Variants in LPP observed in about 807,000 individuals in gnomAD.
LPP encodes the protein lipoma-preferred partner.
LPP carries 38 observed loss-of-function variants against 60.4 expected under a neutral mutation model. The ratio of observed to expected loss-of-function variants is 0.63; its 90% CI spans 0.49 to 0.83. The LOEUF (loss-of-function observed/expected upper bound fraction) is 0.83. LPP is among the 40% of genes least tolerant of loss of function. LPP has a pLI of 0.00. For missense variants in LPP, 902 were observed against 783.6 expected (o/e 1.15, Z -1.80); for synonymous variants, 328 against 290.8 (o/e 1.13, Z -1.30).
intron 1 of LPP, among the ~76,000 whole-genome samples, chr3:188,201,797 G>C (rs1276194084): frequency 6.6e-6 from 1 of 152,118 alleles, no homozygotes; most frequent in Non-Finnish European, 1.5e-5. Context: ...GTTGGGGCCA[G>C]GGAAGTTAGA....
chr3:188,259,311 G>A (rs1732767543), intron 2 of LPP, among the ~76,000 whole-genome samples: 5 of 152,102 alleles, frequency 3.3e-5, no homozygotes, highest in Non-Finnish European at 4.4e-5. Flanking sequence ...ATGACATTGA[G>A]TGTTCACCCC....
rs759485675 is a variant in LPP at position 188,883,591 on chromosome 3, G to A, written c.*9112G>A. 26 of 180,596 alleles carry A rather than the reference G, an allele frequency of 1.4e-4. No individual in the cohort carries two copies. Among genetic ancestry groups the A allele is most frequent in the Non-Finnish European group, 2.6e-4 (22 of 84,610 alleles). 11.2% of individuals were successfully genotyped at this position (180,596 alleles called of 1,614,324 possible). On this transcript the variant is annotated 3_prime_UTR_variant, in exon 12 of 12. Transcript: ENST00000617246. ...CTAAAAAAAATACAAAAATTAGCCG[G>A]GCGTGTTGGCGGGCGCCTGTAGTCC...
At chr3:188,676,398 A>G (rs1266876033) in intron 7 of LPP, among the ~76,000 whole-genome samples, 1 of 152,224 alleles carries the variant, frequency 6.6e-6, no homozygotes, top group Non-Finnish European at 1.5e-5. Flanking sequence ...AAGACAGGTC[A>G]TTAGCACTGA....
At chr3:188,272,967 C>G (rs1312702971) in intron 2 of LPP, among the ~76,000 whole-genome samples, 1 of 152,208 alleles carries the variant, frequency 6.6e-6, no homozygotes, top group Non-Finnish European at 1.5e-5. Flanking sequence ...ATGCTACCCT[C>G]TATTTACTAA....
At chr3:188,460,441 G>A (rs1424620326) in intron 4 of LPP, among the ~76,000 whole-genome samples, 2 of 152,180 alleles carry the variant, frequency 1.3e-5, no homozygotes, top group Non-Finnish European at 2.9e-5. Flanking sequence ...GTTGGGACTT[G>A]AAAATCAGGC....
Position 188,880,503 on chromosome 3 carries a change from T to C in LPP, c.*6024T>C. 1 of 189,342 alleles carries C rather than the reference T, an allele frequency of 5.3e-6. No individual in the cohort carries two copies. Among genetic ancestry groups the C allele is most frequent in the Non-Finnish European group, 1.1e-5 (1 of 89,984 alleles). 11.7% of individuals were successfully genotyped at this position (189,342 alleles called of 1,614,324 possible). On this transcript the variant is annotated 3_prime_UTR_variant, in exon 12 of 12. Coordinates refer to ENST00000617246, the MANE Select transcript of LPP (RefSeq NM_001375462.1). ...TAAAAATTAATATTCTACAAACACC[T>C]ACATATACTAGAGAGGGGTGAAACA...
chr3:188,422,380 C>A (rs1436385811), intron 4 of LPP, among the ~76,000 whole-genome samples: 2 of 152,068 alleles, frequency 1.3e-5, no homozygotes, highest in African/African-American at 4.8e-5. Flanking sequence ...TCAGTGGGGG[C>A]CTTTGAGCTT....
At chr3:188,588,243 G>A (rs1324251745) in intron 6 of LPP, among the ~76,000 whole-genome samples, 1 of 152,144 alleles carries the variant, frequency 6.6e-6, no homozygotes, top group Non-Finnish European at 1.5e-5. Context: ...GAAGTAATTT[G>A]CATCAGAGGT....
intron 2 of LPP, among the ~76,000 whole-genome samples, chr3:188,288,828 C>T (rs1744982582): frequency 2.9e-5 from 2 of 69,962 alleles, no homozygotes; most frequent in South Asian, 1.5e-3. Context: ...ACCCCCCACC[C>T]CCACCCCCCC....
chr3:188,639,068 A>T (rs1200477384), intron 7 of LPP, among the ~76,000 whole-genome samples: 1 of 151,264 alleles, frequency 6.6e-6, no homozygotes. Flanking sequence ...GTCAATCCTA[A>T]GCCAAAAGAA....
chr3:188,567,681 T>C (rs917690211), intron 6 of LPP, among the ~76,000 whole-genome samples: 1 of 151,974 alleles, frequency 6.6e-6, no homozygotes, highest in Non-Finnish European at 1.5e-5. Context: ...GAAGCAGATA[T>C]ACTTATAGTT....
chr3:188,839,638 G>A (rs1759396882), intron 9 of LPP, among the ~76,000 whole-genome samples: 1 of 152,052 alleles, frequency 6.6e-6, no homozygotes, highest in African/African-American at 2.4e-5. Context: ...ACTTTGGGAG[G>A]CTGAGGCGGA....
intron 1 of LPP, among the ~76,000 whole-genome samples, chr3:188,200,743 G>A (rs948710615): frequency 1.3e-5 from 2 of 152,156 alleles, no homozygotes; most frequent in Admixed American, 6.5e-5. Context: ...TTTTTAAGTC[G>A]GCTTCTGTGA....
chr3:188,789,702 T>C (rs1447627754), intron 9 of LPP, among the ~76,000 whole-genome samples: 1 of 152,240 alleles, frequency 6.6e-6, no homozygotes, highest in Non-Finnish European at 1.5e-5. Flanking sequence ...CCAATAATTT[T>C]GATTATATAT....
intron 1 of LPP, among the ~76,000 whole-genome samples, chr3:188,187,746 A>G (rs1484593805): frequency 1.3e-5 from 2 of 151,994 alleles, no homozygotes; most frequent in Non-Finnish European, 2.9e-5. Context: ...TGTTTTTATT[A>G]TGGTTTCAGA....
intron 8 of LPP, among the ~76,000 whole-genome samples, chr3:188,734,724 G>A (rs1450917437): frequency 1.3e-5 from 2 of 152,226 alleles, no homozygotes; most frequent in Admixed American, 6.5e-5. Flanking sequence ...TTTAGGAGCA[G>A]CCCTGCCTGA....
chr3:188,677,750 A>G (rs1012544291), intron 7 of LPP, among the ~76,000 whole-genome samples: 2 of 152,184 alleles, frequency 1.3e-5, no homozygotes, highest in African/African-American at 4.8e-5. Flanking sequence ...ATCACAATTC[A>G]GCCTAACAAA....
intron 1 of LPP, among the ~76,000 whole-genome samples, chr3:188,194,721 C>A (rs1425056802): frequency 1.3e-5 from 2 of 152,196 alleles, no homozygotes; most frequent in Non-Finnish European, 2.9e-5. Flanking sequence ...ATGTATATTA[C>A]AAGCTCATAT....
At chr3:188,670,748 A>G (rs553720366) in intron 7 of LPP, among the ~76,000 whole-genome samples, 3 of 152,284 alleles carry the variant, frequency 2.0e-5, no homozygotes, top group African/African-American at 4.8e-5. Context: ...ATTTCTGGAT[A>G]CAACCTCCTT....
Sources: gnomAD v4.1 joint callset for allele counts (sites outside exome capture counted in the v4.1 genomes callset) on GRCh38, gnomAD v4.1.1 for gene constraint, MANE v1.5 for transcripts, NCBI Gene and HGNC (gene_info 2026-07-23, HGNC 2026-07-21) for gene names.